KCNMA1: variants seen among roughly 807,000 people sequenced by gnomAD.
KCNMA1 encodes Calcium-activated potassium channel subunit alpha-1.
KCNMA1 carries 29 observed loss-of-function variants against 140.0 expected under a neutral mutation model. The ratio of observed to expected loss-of-function variants is 0.21; its 90% CI spans 0.15 to 0.28. The LOEUF (loss-of-function observed/expected upper bound fraction) is 0.28. Ranked by LOEUF, KCNMA1 falls within the 10% of genes least tolerant of loss-of-function variation. KCNMA1 has a pLI of 1.00. For synonymous variants in KCNMA1, 612 were observed against 611.9 expected, an observed-to-expected ratio of 1.00 and a Z score of 0.00; for missense variants, 880 against 1,602.2, an observed-to-expected ratio of 0.55 and a Z score of 7.70.
intron 23 of KCNMA1, among the ~76,000 whole-genome samples, chr10:76,936,071 T>C (rs547720017): frequency 1.1e-4 from 16 of 152,206 alleles, no homozygotes; most frequent in Non-Finnish European, 2.2e-4. Flanking sequence ...TGATGAAATA[T>C]GCTATATAGG....
In KCNMA1 at chr10:77,239,762, C is replaced by T. The variant is rs541636729; in HGVS notation, c.602+11433G>A. Among the ~76,000 whole-genome samples the T allele has an allele frequency of 1.7e-4, 26 of 152,282 alleles. No individual in the cohort carries two copies. The Middle Eastern group carries it at 0.014, about 80-fold the overall frequency. On this transcript the variant is annotated intron_variant, in intron 3 of 27. Coordinates refer to ENST00000286628, the MANE Select transcript of KCNMA1 (RefSeq NM_001161352.2). ...ATGAAGTTGTAGCCTAGACTTGGGA[C>T]CATGTCTCAGGGGAAAAGTCTAAGT...
At chr10:77,396,812 G>T (rs568433975) in intron 2 of KCNMA1, among the ~76,000 whole-genome samples, 1 of 152,334 alleles carries the variant, frequency 6.6e-6, no homozygotes, top group South Asian at 2.1e-4. Context: ...AGCTGTGTAA[G>T]CTTCCTGGAG....
In KCNMA1 at chr10:77,309,040, G is replaced by A. The variant is rs117068146; in HGVS notation, c.541-57784C>T. ...AGCCCTGTATTTCCCTTACCCAAAGGAGCCCGGCCATCTCAACAGTATTTT... is the reference window on the plus strand; with the variant it reads ...AGCCCTGTATTTCCCTTACCCAAAGAAGCCCGGCCATCTCAACAGTATTTT... On this transcript the variant is annotated intron_variant, in intron 2 of 27. Transcript: ENST00000286628. 2.1e-4 allele frequency among the ~76,000 whole-genome samples: 32 copies of A among 152,196 alleles called. No individual in the cohort carries two copies. The East Asian group carries it at 6.2e-3, about 29-fold the overall frequency.
In KCNMA1 at chr10:77,018,976, G is replaced by A. The variant is rs16934182; in HGVS notation, c.2015+37C>T. ...TCCGTGGGTCAAGGTGTCTACAGCCGGGCCAGAAAGAAAGCCAGTTGAAAA... is the reference window on the plus strand; with the variant it reads ...TCCGTGGGTCAAGGTGTCTACAGCCAGGCCAGAAAGAAAGCCAGTTGAAAA... On this transcript the variant is annotated intron_variant, in intron 17 of 27. Transcript: ENST00000286628. 719,089 of 1,192,076 alleles carry A rather than the reference G, an allele frequency of 0.6. 231,020 individuals are homozygous for A. Among genetic ancestry groups the A allele is most frequent in the Middle Eastern group, 0.68 (3,597 of 5,262 alleles). The allele number at this position is 1,192,076 out of a possible 1,614,324, so 73.8% of individuals were successfully genotyped here.
intron 2 of KCNMA1, among the ~76,000 whole-genome samples, chr10:77,341,789 G>A (rs1282896316): frequency 2.0e-5 from 3 of 152,210 alleles, no homozygotes. Context: ...AGGAAACGCT[G>A]GGTCCACCAC....
At chr10:77,602,581 A>C (rs1055871355) in intron 1 of KCNMA1, among the ~76,000 whole-genome samples, 4 of 152,166 alleles carry the variant, frequency 2.6e-5, no homozygotes, top group African/African-American at 9.7e-5. Flanking sequence ...CGGTTTTTAA[A>C]ATTTGATGGT....
chr10:76,931,549 C>A (rs2059282856), intron 23 of KCNMA1, among the ~76,000 whole-genome samples: 1 of 151,010 alleles, frequency 6.6e-6, no homozygotes, highest in South Asian at 2.1e-4. Context: ...AGGAGGGAGG[C>A]CAAGTGCCAT....
intron 2 of KCNMA1, among the ~76,000 whole-genome samples, chr10:77,399,024 A>C (rs991533570): frequency 6.6e-6 from 1 of 152,202 alleles, no homozygotes; most frequent in African/African-American, 2.4e-5. Context: ...TGATGAAGAC[A>C]AGCCAGAGCA....
chr10:77,019,923 A>G (rs1409616556), intron 16 of KCNMA1: 1 of 152,220 alleles, frequency 6.6e-6, no homozygotes, highest in Non-Finnish European at 1.5e-5. Context: ...TAAATAGATT[A>G]GCGGACCAAG....
chr10:77,490,370 A>G (rs1256526902), intron 1 of KCNMA1, among the ~76,000 whole-genome samples: 3 of 152,206 alleles, frequency 2.0e-5, no homozygotes, highest in Non-Finnish European at 4.4e-5. Flanking sequence ...GCATTCAGAA[A>G]TTGACCTAGC....
intron 23 of KCNMA1, among the ~76,000 whole-genome samples, chr10:76,936,143 C>T (rs1241448897): frequency 2.0e-5 from 3 of 152,192 alleles, no homozygotes; most frequent in Non-Finnish European, 1.5e-5. Context: ...TGCTGAAATA[C>T]ATCTGCACCT....
intron 5 of KCNMA1, among the ~76,000 whole-genome samples, chr10:77,135,835 T>C (rs2098007239): frequency 6.6e-6 from 1 of 152,174 alleles, no homozygotes; most frequent in Non-Finnish European, 1.5e-5. Flanking sequence ...GGGTAGATGT[T>C]GGTCAAAGGA....
intron 2 of KCNMA1, among the ~76,000 whole-genome samples, chr10:77,333,426 G>A (rs945286980): frequency 1.4e-5 from 2 of 146,872 alleles, no homozygotes; most frequent in African/African-American, 2.5e-5. Flanking sequence ...AAAAGAAAGA[G>A]AAGAAAAGAA....
chr10:77,439,149 A>AGAGAAGAGAAGAGAAGAGAAGAG (rs1555337767), intron 1 of KCNMA1, among the ~76,000 whole-genome samples: 33 of 85,272 alleles, frequency 3.9e-4, no homozygotes, highest in African/African-American at 1.2e-3. Flanking sequence ...AGAGAAGAGA[A>AGAGAAGAGAAGAGAAGAGAAGAG]AAGAGAAGAG....
intron 25 of KCNMA1, among the ~76,000 whole-genome samples, chr10:76,894,134 A>G (rs1458119221): frequency 6.6e-5 from 10 of 152,228 alleles, no homozygotes; most frequent in Non-Finnish European, 1.5e-4. Context: ...AGACCTATAG[A>G]CCAATGGAAA....
intron 3 of KCNMA1, among the ~76,000 whole-genome samples, chr10:77,208,320 A>G (rs2044826834): frequency 1.3e-5 from 2 of 152,162 alleles, no homozygotes; most frequent in Admixed American, 1.3e-4. Context: ...GTTGACCTCA[A>G]CAGGCATTAA....
At chr10:77,566,669 T>C (rs1412693364) in intron 1 of KCNMA1, among the ~76,000 whole-genome samples, 1 of 152,240 alleles carries the variant, frequency 6.6e-6, no homozygotes, top group Non-Finnish European at 1.5e-5. Flanking sequence ...GTTCAGAAGC[T>C]GCACCAATGT....
At chr10:76,883,320 A>T (rs2035407748), downstream of KCNMA1, among the ~76,000 whole-genome samples, 2 of 152,226 alleles carry the variant, frequency 1.3e-5, no homozygotes, top group African/African-American at 4.8e-5. Flanking sequence ...AATTTATATC[A>T]AATATTTATT....
At chr10:77,244,071 T>G (rs61868370) in intron 3 of KCNMA1, among the ~76,000 whole-genome samples, 54 of 152,342 alleles carry the variant, frequency 3.5e-4, no homozygotes, top group Non-Finnish European at 5.6e-4. Context: ...TATACTTTGC[T>G]ATTCAATGAG....
Sources: gnomAD v4.1 joint callset for allele counts (sites outside exome capture counted in the v4.1 genomes callset) on GRCh38, gnomAD v4.1.1 for gene constraint, MANE v1.5 for transcripts, NCBI Gene and HGNC (gene_info 2026-07-23, HGNC 2026-07-21) for gene names.